FMN1: variants seen among roughly 807,000 people sequenced by gnomAD.
FMN1 encodes the protein formin 1, also known as formin-1.
A neutral mutation model predicts 132.4 loss-of-function variants in FMN1; 110 were observed. That is an observed-to-expected ratio of 0.83 (90% CI 0.71 to 0.97). The LOEUF (loss-of-function observed/expected upper bound fraction) is 0.97, where lower values mean the gene tolerates loss of function less well. FMN1 is among the 50% of genes least tolerant of loss of function. The pLI is 0.00. For synonymous variants in FMN1, 722 were observed against 651.7 expected, an observed-to-expected ratio of 1.11 and a Z score of -1.64; for missense variants, 1,792 against 1,705.3, an observed-to-expected ratio of 1.05 and a Z score of -0.90.
chr15:32,832,546 G>A (rs1028167777), intron 17 of FMN1, among the ~76,000 whole-genome samples: 3 of 152,216 alleles, frequency 2.0e-5, no homozygotes, highest in South Asian at 2.1e-4. Flanking sequence ...TTGGGAGGCC[G>A]AGGCGGGCAG....
intron 9 of FMN1, among the ~76,000 whole-genome samples, chr15:32,952,298 A>T (rs1247868782): frequency 6.6e-6 from 1 of 152,214 alleles, no homozygotes; most frequent in African/African-American, 2.4e-5. Context: ...TTCTCCAAGC[A>T]ACCATCTCAA....
At chr15:33,058,171 T>C (rs572692301) in intron 6 of FMN1, among the ~76,000 whole-genome samples, 2 of 152,048 alleles carry the variant, frequency 1.3e-5, no homozygotes, top group South Asian at 4.2e-4. Context: ...GTGGATGATC[T>C]GGAGAAAGAA....
At chr15:33,056,143 C>T (rs1011774719) in intron 6 of FMN1, among the ~76,000 whole-genome samples, 19 of 152,328 alleles carry the variant, frequency 1.2e-4, no homozygotes, top group African/African-American at 4.6e-4. Flanking sequence ...TGTTTAGCAT[C>T]ATCTGCTGAC....
rs1439988114 is a variant in FMN1 at position 32,770,476 on chromosome 15, C to G, written c.*3834G>C. On this transcript the variant is annotated 3_prime_UTR_variant, in exon 21 of 21. Coordinates refer to ENST00000616417, the MANE Select transcript of FMN1 (RefSeq NM_001277313.2). ...GCCCAAAATAAACATATTTCTTCTG[C>G]TACATCTCACTGCGGCCCTTAGAAA... 3 of 152,246 alleles carry G rather than the reference C, an allele frequency of 2.0e-5. No homozygotes were observed. The highest frequency in any genetic ancestry group is 7.2e-5 in the African/African-American group (3 of 41,454). The allele number at this position is 152,246 out of a possible 1,614,324, so 9.4% of individuals were successfully genotyped here. A position where few individuals can be genotyped will look rare whatever the true frequency, so the allele number is the denominator to read the frequency against.
chr15:32,967,879 A>G (rs751601281), intron 8 of FMN1, among the ~76,000 whole-genome samples: 4 of 152,254 alleles, frequency 2.6e-5, no homozygotes, highest in South Asian at 2.1e-4. Flanking sequence ...AATGTGTCCT[A>G]TATTTGCTGT....
intron 6 of FMN1, among the ~76,000 whole-genome samples, chr15:33,036,530 C>T (rs1356448758): frequency 1.3e-5 from 2 of 152,108 alleles, no homozygotes; most frequent in East Asian, 3.8e-4. Flanking sequence ...CCAATGAGAG[C>T]TGAGATTTCT....
intron 7 of FMN1, among the ~76,000 whole-genome samples, chr15:32,981,915 C>G (rs559784522): frequency 2.0e-4 from 30 of 152,158 alleles, no homozygotes; most frequent in Middle Eastern, 3.4e-3. Context: ...GACCCTTTCA[C>G]AATTAAAATT....
intron 4 of FMN1, among the ~76,000 whole-genome samples, chr15:33,124,974 T>C (rs1962913127): frequency 6.6e-6 from 1 of 152,164 alleles, no homozygotes; most frequent in Admixed American, 6.5e-5. Flanking sequence ...TCAGAGGCAA[T>C]TCAAATGAAG....
Position 33,154,562 on chromosome 15 carries a change from T to C in FMN1, c.353A>G (p.Lys118Arg), listed in dbSNP as rs1448368455. The change falls in exon 4 of 21, where the codon AAG (lysine) becomes AGG (arginine). Residue 118 changes from lysine (K) to arginine (R), a missense_variant. By Grantham distance (26) the Lys-to-Arg change is conservative (BLOSUM62 2). Coordinates refer to ENST00000616417, the MANE Select transcript of FMN1 (RefSeq NM_001277313.2). ...CAGGCTCACGGACAGCTCTTGCAGC[T>C]TCCCCTCCTGGTTCCCCATCGTGAT... ...LGITMGNQEG[K>R]LQELSVSLAP... 2 of 1,536,108 alleles carry C rather than the reference T, an allele frequency of 1.3e-6. No individual in the cohort carries two copies. The highest frequency in any genetic ancestry group is 2.4e-5 in the South Asian group (2 of 84,062).
chr15:32,766,145 T>A lies in FMN1; in HGVS notation c.*8165A>T, dbSNP rs1054159351. 6.8e-6 allele frequency: 1 copy of A among 147,366 alleles called. No homozygotes were observed. Among genetic ancestry groups the A allele is most frequent in the African/African-American group, 2.7e-5 (1 of 36,904 alleles). 9.1% of individuals were successfully genotyped at this position (147,366 alleles called of 1,614,324 possible). ...ATCTACAGACTGGTCTAATACTTAA[T>A]TAAACAGAAAAGCCTATGTTTTACC... On this transcript the variant is annotated 3_prime_UTR_variant, in exon 21 of 21. Coordinates refer to ENST00000616417, the MANE Select transcript of FMN1 (RefSeq NM_001277313.2).
intron 6 of FMN1, among the ~76,000 whole-genome samples, chr15:33,048,892 G>A (rs942142623): frequency 3.3e-5 from 5 of 152,084 alleles, no homozygotes; most frequent in Admixed American, 2.6e-4. Flanking sequence ...ACAACACATG[G>A]GAATTCAAGA....
In FMN1 at chr15:32,774,154, C is replaced by A; in HGVS notation, c.*156G>T. ...TTAATGAGGGACTTCTTAAAGAAGGCATGGGGCACTCTCTGCAGATGACCT... is the reference window on the plus strand; with the variant it reads ...TTAATGAGGGACTTCTTAAAGAAGGAATGGGGCACTCTCTGCAGATGACCT... On this transcript the variant is annotated 3_prime_UTR_variant, in exon 21 of 21. Coordinates refer to ENST00000616417, the MANE Select transcript of FMN1 (RefSeq NM_001277313.2). The A allele has an allele frequency of 1.5e-6, 1 of 652,678 alleles. No individual in the cohort carries two copies. Among genetic ancestry groups the A allele is most frequent in the East Asian group, 3.0e-5 (1 of 33,772 alleles). The allele number at this position is 652,678 out of a possible 1,614,324, so 40.4% of individuals were successfully genotyped here. A position where few individuals can be genotyped will look rare whatever the true frequency, so the allele number is the denominator to read the frequency against.
intron 6 of FMN1, among the ~76,000 whole-genome samples, chr15:33,057,230 C>G (rs961627962): frequency 7.2e-5 from 11 of 152,056 alleles, no homozygotes; most frequent in Non-Finnish European, 1.3e-4. Context: ...TAGTGGTTTT[C>G]TTTGACGGAA....
chr15:32,810,980 C>T (rs1337670202), intron 17 of FMN1: 4 of 456,116 alleles, frequency 8.8e-6, no homozygotes, highest in Admixed American at 2.4e-5. Flanking sequence ...CTCTGCTTCA[C>T]GTGGGATCCG....
intron 15 of FMN1, among the ~76,000 whole-genome samples, chr15:32,891,953 T>C (rs2060041594): frequency 6.6e-6 from 1 of 152,188 alleles, no homozygotes; most frequent in Non-Finnish European, 1.5e-5. Context: ...AGGCGCTTTC[T>C]GGAGGAGTCT....
At position 33,048,645 on chromosome 15, in the gene FMN1, A is replaced by C. The variant is rs1357706009; in HGVS notation, c.2161+16312T>G. 4.8e-5 allele frequency among the ~76,000 whole-genome samples: 4 copies of C among 83,130 alleles called. No homozygotes were observed. The East Asian group carries it at 1.1e-3, about 22-fold the overall frequency. 54.5% of individuals were successfully genotyped at this position (83,130 alleles called of 152,430 possible). ...GGGCAATTTACCAAAAAAAAAAAAA[A>C]AAAACCAACAGTTTAATGGACTTAC... On this transcript the variant is annotated intron_variant, in intron 6 of 20. Transcript: ENST00000616417.
chr15:33,069,241 A>T (rs2037889767), intron 5 of FMN1, among the ~76,000 whole-genome samples: 1 of 152,206 alleles, frequency 6.6e-6, no homozygotes, highest in South Asian at 2.1e-4. Context: ...GGATGGGGGT[A>T]AAAATTGCAG....
chr15:33,155,837 G>A (rs1334459692), intron 3 of FMN1, among the ~76,000 whole-genome samples: 1 of 152,098 alleles, frequency 6.6e-6, no homozygotes, highest in African/African-American at 2.4e-5. Flanking sequence ...AATTAGTGAA[G>A]GTGGCTGCTT....
At chr15:32,992,689 T>C (rs2033510094) in intron 7 of FMN1, among the ~76,000 whole-genome samples, 5 of 152,190 alleles carry the variant, frequency 3.3e-5, no homozygotes, top group African/African-American at 1.2e-4. Context: ...TTTTCCTGTG[T>C]GTATGTGCAA....
Sources: allele counts gnomAD v4.1 joint callset (sites outside exome capture counted in the v4.1 genomes callset), GRCh38; gene constraint gnomAD v4.1.1; transcripts MANE v1.5; gene names NCBI Gene and HGNC (gene_info 2026-07-23, HGNC 2026-07-21).